SIM1: variants seen among roughly 807,000 people sequenced by gnomAD.
SIM1 encodes single-minded homolog 1.
A neutral mutation model predicts 78.2 loss-of-function variants in SIM1; 18 were observed. The observed-to-expected ratio is 0.23, with a 90% CI of 0.16 to 0.34. The LOEUF is 0.34. Ranked by LOEUF, SIM1 falls within the 10% of genes least tolerant of loss-of-function variation. The pLI, the probability that SIM1 is intolerant of heterozygous loss-of-function variation, is 1.00. For missense variants in SIM1, 939 were observed against 975.1 expected, an observed-to-expected ratio of 0.96 and a Z score of 0.49; for synonymous variants, 417 against 385.2, an observed-to-expected ratio of 1.08 and a Z score of -0.97.
chr6:100,457,579 C>T (rs1052347728), intron 2 of SIM1, among the ~76,000 whole-genome samples: 5 of 152,252 alleles, frequency 3.3e-5, no homozygotes, highest in Admixed American at 6.5e-5. Flanking sequence ...CGGGCTGAGG[C>T]GTCGAGTGGC....
intron 10 of SIM1, among the ~76,000 whole-genome samples, chr6:100,416,172 C>T (rs1771396356): frequency 6.6e-6 from 1 of 151,816 alleles, no homozygotes; most frequent in South Asian, 2.1e-4. Context: ...AGCCAGAAGT[C>T]CCTCTCAGGT....
At chr6:100,407,701 T>G (rs1386478323) in intron 10 of SIM1, among the ~76,000 whole-genome samples, 5 of 152,134 alleles carry the variant, frequency 3.3e-5, no homozygotes, top group Non-Finnish European at 5.9e-5. Context: ...TGATTAGAGA[T>G]GTTGAGCACC....
chr6:100,412,655 AAGAGAGAGAGAGAGAG>A (rs370580427), intron 10 of SIM1, among the ~76,000 whole-genome samples: 2 of 96,678 alleles, frequency 2.1e-5, no homozygotes, highest in African/African-American at 7.6e-5. Flanking sequence ...GAAAGAAAGA[AAGAGAGAGAGAGAGAG>A]AGAAAGAAAG....
chr6:100,448,110 A>G (rs376699917), intron 8 of SIM1, 36 bp downstream of exon 8: 20 of 1,546,600 alleles, frequency 1.3e-5, no homozygotes, highest in Non-Finnish European at 1.8e-5. Context: ...CGGATGCGCC[A>G]AGGTTGCTAG....
chr6:100,459,972 G>T (rs2114557510), intron 2 of SIM1, among the ~76,000 whole-genome samples: 1 of 152,222 alleles, frequency 6.6e-6, no homozygotes, highest in East Asian at 1.9e-4. Flanking sequence ...ATTTCCATGT[G>T]CCTCAATTTT....
intron 10 of SIM1, among the ~76,000 whole-genome samples, chr6:100,405,302 A>G (rs1483758323): frequency 6.6e-6 from 1 of 152,102 alleles, no homozygotes; most frequent in Admixed American, 6.6e-5. Context: ...CACATTCCAG[A>G]GTTGAGGATA....
chr6:100,444,419 T>G (rs566449446), intron 9 of SIM1, among the ~76,000 whole-genome samples: 176 of 152,278 alleles, frequency 1.2e-3, no homozygotes, highest in African/African-American at 4.0e-3. Flanking sequence ...TATGTGTGTC[T>G]TGCAGAAAAT....
chr6:100,441,971 C>T (rs1380688408), intron 9 of SIM1, among the ~76,000 whole-genome samples: 2 of 152,170 alleles, frequency 1.3e-5, no homozygotes, highest in African/African-American at 2.4e-5. Context: ...ACACAGAGAA[C>T]AGCAGGATGC....
intron 9 of SIM1, among the ~76,000 whole-genome samples, chr6:100,446,215 T>C (rs557705259): frequency 3.9e-5 from 6 of 152,354 alleles, no homozygotes; most frequent in African/African-American, 1.4e-4. Flanking sequence ...ATTTTTAATT[T>C]GGCAATTTAA....
chr6:100,411,283 T>C (rs718268), intron 10 of SIM1, among the ~76,000 whole-genome samples: 45,140 of 152,066 alleles, frequency 0.3, 6,888 homozygotes, highest in East Asian at 0.57. Flanking sequence ...TCACATATTT[T>C]CATTTTGTAC....
At position 100,422,880 on chromosome 6, in the gene SIM1, T is replaced by C. The variant is rs148486499; in HGVS notation, c.999-1922A>G. 4.9e-4 allele frequency among the ~76,000 whole-genome samples: 75 copies of C among 152,304 alleles called. No individual in the cohort carries two copies. The East Asian group carries it at 9.6e-3, about 20-fold the overall frequency. On this transcript the variant is annotated intron_variant, in intron 9 of 11. Coordinates refer to ENST00000369208, the MANE Select transcript of SIM1 (RefSeq NM_005068.3). ...AAGGAGTCTCTTAAGTGAGTAAGAATAGAAACCAGCTAAAACAGCTGCAAC... is the reference window on the plus strand; with the variant it reads ...AAGGAGTCTCTTAAGTGAGTAAGAACAGAAACCAGCTAAAACAGCTGCAAC...
rs58031938 is a variant in SIM1 at position 100,420,499 on chromosome 6, G to A, written c.1167+291C>T. Among the ~76,000 whole-genome samples the A allele has an allele frequency of 3.1e-3, 467 of 152,236 alleles. 1 individual carries two copies. The highest frequency in any genetic ancestry group is 0.011 in the African/African-American group (452 of 41,532). ...GCTACATCATGGTCACTCACTGGGT[G>A]GGAGGGAAATTCAGGATCAATCTCC... On this transcript the variant is annotated intron_variant, in intron 10 of 11. Coordinates refer to ENST00000369208, the MANE Select transcript of SIM1 (RefSeq NM_005068.3).
intron 8 of SIM1, 98 bp from the exon 9 acceptor site, chr6:100,447,513 G>C: frequency 7.3e-7 from 1 of 1,375,182 alleles, no homozygotes; most frequent in Non-Finnish European, 1.0e-6. Context: ...CTCCCTGTGG[G>C]CCCTAATAAC....
intron 2 of SIM1, among the ~76,000 whole-genome samples, chr6:100,458,006 TTCTCTCTCTCTCTCTCTCTC>T (rs71028024): frequency 0.041 from 3,677 of 89,922 alleles, 80 homozygotes; most frequent in African/African-American, 0.095. Context: ...GTCTCTCTCT[TTCTCTCTCTCTCTCTCTCTC>T]TCTCTCTCTC....
intron 9 of SIM1, among the ~76,000 whole-genome samples, chr6:100,441,109 C>T (rs1183183628): frequency 6.6e-6 from 1 of 152,154 alleles, no homozygotes; most frequent in East Asian, 1.9e-4. Context: ...GGAAAGTAGA[C>T]AGGCTGGTCA....
At chr6:100,405,526 A>G (rs558160565) in intron 10 of SIM1, among the ~76,000 whole-genome samples, 2 of 152,194 alleles carry the variant, frequency 1.3e-5, no homozygotes, top group South Asian at 2.1e-4. Context: ...AATTTGATTC[A>G]TTTATAGTTT....
Position 100,450,354 on chromosome 6 carries a change from G to C in SIM1, c.261C>G (p.Thr87=), listed in dbSNP as rs755622030. Residue 87 remains threonine, a splice_region_variant and synonymous_variant, in exon 4 of 12, where the codon ACC becomes ACG. Coordinates refer to ENST00000369208, the MANE Select transcript of SIM1 (RefSeq NM_005068.3). ...GRELGSHLLQ[T]LDGFIFVVAP... Reference sequence around the variant, plus strand: ...CTACCACGAAGATGAAGCCATCCAGGGTCTGGGGAGGCACAAATAGAGAGA... The same window carrying C: ...CTACCACGAAGATGAAGCCATCCAGCGTCTGGGGAGGCACAAATAGAGAGA... 4.3e-6 allele frequency: 7 copies of C among 1,613,836 alleles called. No individual in the cohort carries two copies. Among genetic ancestry groups the C allele is most frequent in the Middle Eastern group, 1.7e-4 (1 of 6,034 alleles).
At chr6:100,427,574 A>T (rs375048959) in intron 9 of SIM1, among the ~76,000 whole-genome samples, 12 of 152,362 alleles carry the variant, frequency 7.9e-5, no homozygotes, top group African/African-American at 2.9e-4. Flanking sequence ...ATAACAGCCA[A>T]AAAGTAAGGC....
intron 3 of SIM1, among the ~76,000 whole-genome samples, 185 bp from the exon 4 acceptor site, chr6:100,450,541 C>T (rs1233242484): frequency 6.6e-6 from 1 of 152,164 alleles, no homozygotes; most frequent in East Asian, 1.9e-4. Flanking sequence ...AATTTGTAAA[C>T]ATCTGGGGCA....
Sources: allele counts gnomAD v4.1 joint callset (sites outside exome capture counted in the v4.1 genomes callset), GRCh38; gene constraint gnomAD v4.1.1; transcripts MANE v1.5; gene names NCBI Gene and HGNC (gene_info 2026-07-23, HGNC 2026-07-21).